IL32: variants seen among roughly 807,000 people sequenced by gnomAD.
IL32 encodes interleukin-32.
IL32 carries 30 observed loss-of-function variants against 16.6 expected under a neutral mutation model. That is an observed-to-expected ratio of 1.81 (90% confidence interval 1.35 to 2.45). The LOEUF (loss-of-function observed/expected upper bound fraction) is 2.45. Among genes scored for constraint, IL32 ranks in the 30% most tolerant of loss-of-function variants. The probability of loss-of-function intolerance (pLI) is 0.00; values close to 1 mark genes in which losing one functional copy is unlikely to be tolerated. For missense variants in IL32, 234 were observed against 229.8 expected, an observed-to-expected ratio of 1.02 and a Z score of -0.12; for synonymous variants, 70 against 86.1, an observed-to-expected ratio of 0.81 and a Z score of 1.03.
chr16:3,067,271 CTGTGTGTGTGTGTGTGTGTGTGTG>C (rs60859102), intron 2 of IL32, 82 bp from the exon 3 acceptor site: 16 of 603,558 alleles, frequency 2.7e-5, no homozygotes, highest in Non-Finnish European at 4.4e-5. Context: ...CCATGTGTCT[CTGTGTGTGTGTGTGTGTGTGTGTG>C]TGTGTGTGTG....
intron 2 of IL32, among the ~76,000 whole-genome samples, chr16:3,066,232 T>G (rs983068969): frequency 6.6e-6 from 1 of 151,658 alleles, no homozygotes; most frequent in East Asian, 1.9e-4. Flanking sequence ...TCCCATCCTC[T>G]ACCACTGCCC....
upstream of IL32, chr16:3,065,458 A>C: frequency 2.6e-6 from 1 of 378,466 alleles, no homozygotes; most frequent in Non-Finnish European, 4.9e-6. Context: ...ACGGACCCTC[A>C]TTCCTCCCAG....
chr16:3,065,785 C>G lies in IL32; in HGVS notation c.-27C>G, dbSNP rs777851387. On this transcript the variant is annotated splice_region_variant and 5_prime_UTR_variant, in exon 2 of 7. Transcript: ENST00000525643. ...CTCACACCTGTTCCTCGCCAGCAGG[C>G]CTTGGCTCCTTGAACTTTTGGCCGC... The G allele has an allele frequency of 6.2e-7, 1 of 1,614,084 alleles. No homozygotes were observed. The highest frequency in any genetic ancestry group is 2.2e-5 in the East Asian group (1 of 44,884).
chr16:3,065,929 A>G (rs1386791672), intron 2 of IL32, 103 bp downstream of exon 2: 15 of 1,358,272 alleles, frequency 1.1e-5, no homozygotes, highest in Non-Finnish European at 1.5e-5. Flanking sequence ...GTCAGGGCTC[A>G]GTCAGGGGCA....
In IL32 at chr16:3,066,258, G is replaced by T. The variant is rs112135937; in HGVS notation, c.15+432G>T. Among the ~76,000 whole-genome samples the T allele has an allele frequency of 7.9e-5, 12 of 152,254 alleles. 2 individuals carry two copies. Among genetic ancestry groups the T allele is most frequent in the African/African-American group, 2.9e-4 (12 of 41,520 alleles). On this transcript the variant is annotated intron_variant, in intron 2 of 6. Coordinates refer to ENST00000525643, the MANE Select transcript of IL32 (RefSeq NM_001376923.1). ...ACCACTGCCCCACCGCAAATGCTAGGCCCACCACACCCTCCAGGGAGCTCT... is the reference window on the plus strand; with the variant it reads ...ACCACTGCCCCACCGCAAATGCTAGTCCCACCACACCCTCCAGGGAGCTCT...
In IL32 at chr16:3,067,986, G is replaced by C; in HGVS notation, c.117G>C (p.Val39=). 3 of 1,614,158 alleles carry C rather than the reference G, an allele frequency of 1.9e-6. No homozygotes were observed. The highest frequency in any genetic ancestry group is 1.7e-6 in the Non-Finnish European group (2 of 1,179,998). The change falls in exon 5 of 7, where the codon GTG becomes GTC. Residue 39 remains valine (V), a splice_region_variant and synonymous_variant. Transcript: ENST00000525643. ...MQNAESGRGQ[V]MSSLAELEDD... ...ACCGAGTGCTTTGTTCCTAACAGGT[G>C]ATGTCGAGCCTGGCAGAGCTGGAGG...
rs955486373 is a variant in IL32, at chr16:3,065,707, G to A, written c.-29+20G>A. ...TCTCAGGTGGGGAGTTGGGGTCCCC[G>A]AAGGTGAGGACCCTCTGGGGAGGAG... On this transcript the variant is annotated intron_variant, in intron 1 of 6. Coordinates refer to ENST00000525643, the MANE Select transcript of IL32 (RefSeq NM_001376923.1). 1.6e-5 allele frequency: 21 copies of A among 1,334,536 alleles called. No homozygotes were observed. The highest frequency in any genetic ancestry group is 4.6e-5 in the East Asian group (2 of 43,604). 82.7% of individuals were successfully genotyped at this position (1,334,536 alleles called of 1,614,324 possible).
chr16:3,068,319 T>C, intron 6 of IL32, 80 bp downstream of exon 6: 1 of 1,331,410 alleles, frequency 7.5e-7, no homozygotes, highest in South Asian at 1.3e-5. Flanking sequence ...TCTTTTTGTT[T>C]ATTTGAGACA....
intron 4 of IL32, 64 bp downstream of exon 4, chr16:3,067,677 T>C (rs762640573): frequency 7.2e-6 from 9 of 1,249,210 alleles, no homozygotes; most frequent in South Asian, 6.2e-5. Flanking sequence ...CCACCCTGTG[T>C]GGGGCTCAGG....
intron 2 of IL32, among the ~76,000 whole-genome samples, chr16:3,066,647 T>A (rs536312536): frequency 6.6e-6 from 1 of 152,112 alleles, no homozygotes. Flanking sequence ...CCGGGACCTG[T>A]GGGTCTGCAT....
chr16:3,068,262 G>C, intron 6 of IL32, 23 bp downstream of exon 6: 2 of 1,572,812 alleles, frequency 1.3e-6, no homozygotes, highest in Non-Finnish European at 1.7e-6. Context: ...CACCCATCTG[G>C]GCACCTTGCC....
intron 2 of IL32, among the ~76,000 whole-genome samples, chr16:3,066,095 G>A (rs1426505759): frequency 2.6e-5 from 4 of 152,212 alleles, no homozygotes; most frequent in Non-Finnish European, 2.9e-5. Context: ...GCAGGGGTGG[G>A]GCAGGGCTCT....
intron 2 of IL32, among the ~76,000 whole-genome samples, chr16:3,066,363 G>A (rs141237536): frequency 6.6e-5 from 10 of 152,336 alleles, no homozygotes; most frequent in Admixed American, 1.3e-4. Context: ...CATGGCTCCC[G>A]CATGTCGGCA....
Position 3,067,967 on chromosome 16 carries a change from T to G in IL32, c.115-17T>G, listed in dbSNP as rs201203482. ...GAGGAGGCTTGGGCCTGGAACCGAG[T>G]GCTTTGTTCCTAACAGGTGATGTCG... On this transcript the variant is annotated splice_polypyrimidine_tract_variant and intron_variant, in intron 4 of 6. Coordinates refer to ENST00000525643, the MANE Select transcript of IL32 (RefSeq NM_001376923.1). The G allele has an allele frequency of 6.2e-7, 1 of 1,613,780 alleles. No homozygotes were observed. Among genetic ancestry groups the G allele is most frequent in the Non-Finnish European group, 8.5e-7 (1 of 1,179,814 alleles).
At chr16:3,068,756 G>C (rs1187085078) in intron 6 of IL32, 1 of 621,036 alleles carries the variant, frequency 1.6e-6, no homozygotes, top group Admixed American at 3.1e-5. Flanking sequence ...CACGATGAGG[G>C]CCCTGACCTG....
At chr16:3,067,278 T>TGTGTGC (rs1232730809) in intron 2 of IL32, 99 bp from the exon 3 acceptor site, 1 of 376,640 alleles carries the variant, frequency 2.7e-6, no homozygotes, top group Non-Finnish European at 4.6e-6. Context: ...TCTCTGTGTG[T>TGTGTGC]GTGTGTGTGT....
chr16:3,068,076 T>C (rs1956621539), intron 5 of IL32, 66 bp downstream of exon 5: 2 of 1,605,800 alleles, frequency 1.2e-6, no homozygotes, highest in Admixed American at 3.3e-5. Context: ...GGACACTGGG[T>C]CTGGGCCCCG....
At chr16:3,068,656 C>T (rs867739044) in intron 6 of IL32, 1 of 430,982 alleles carries the variant, frequency 2.3e-6, no homozygotes, top group South Asian at 2.2e-5. Context: ...TGTGCCCAGC[C>T]CCTGAGCTTG....
In IL32 at chr16:3,069,070, T is replaced by C. The variant is rs1956765531; in HGVS notation, c.282T>C (p.Asp94=). The C allele has an allele frequency of 6.2e-7, 1 of 1,607,462 alleles. No homozygotes were observed. Among genetic ancestry groups the C allele is most frequent in the Non-Finnish European group, 8.5e-7 (1 of 1,175,978 alleles). Residue 94 remains aspartate (D), a synonymous_variant, in exon 7 of 7, where the codon GAT becomes GAC. Coordinates refer to ENST00000525643, the MANE Select transcript of IL32 (RefSeq NM_001376923.1). The part of the protein sequence containing the change: ...GNRSPVPDVE[D]PATEEPGESF... ...GATCCCCTGTCCCGGATGTTGAGGA[T>C]CCCGCAACCGAGGAGCCTGGGGAGA...
Sources: gnomAD v4.1 joint callset for allele counts (sites outside exome capture counted in the v4.1 genomes callset) on GRCh38, gnomAD v4.1.1 for gene constraint, MANE v1.5 for transcripts, NCBI Gene and HGNC (gene_info 2026-07-23, HGNC 2026-07-21) for gene names.